Variants in P2RX3 observed in about 807,000 individuals in gnomAD.
P2RX3 encodes P2X purinoceptor 3.
Under a neutral mutation model 51.5 loss-of-function variants are expected in P2RX3, and 41 were observed. That is an observed-to-expected ratio of 0.80 (90% confidence interval 0.62 to 1.03). The LOEUF (loss-of-function observed/expected upper bound fraction) is 1.03, where lower values mean the gene tolerates loss of function less well. P2RX3 is among the 50% of genes least tolerant of loss of function. The probability of loss-of-function intolerance (pLI) is 0.00; values close to 1 mark genes in which losing one functional copy is unlikely to be tolerated. For missense variants in P2RX3, 459 were observed against 522.1 expected, an observed-to-expected ratio of 0.88 and a Z score of 1.18; for synonymous variants, 185 against 191.6, an observed-to-expected ratio of 0.97 and a Z score of 0.29.
chr11:57,347,533 G>A (rs1856462118), intron 4 of P2RX3, 55 bp downstream of exon 4: 1 of 1,530,870 alleles, frequency 6.5e-7, no homozygotes, highest in Non-Finnish European at 8.9e-7. Context: ...GGACCCATGG[G>A]GGAGAGCCCG....
intron 8 of P2RX3, among the ~76,000 whole-genome samples, chr11:57,354,342 C>T (rs964042484): frequency 6.6e-6 from 1 of 152,064 alleles, no homozygotes; most frequent in South Asian, 2.1e-4. Context: ...CTCCGTGGGC[C>T]GCTTTAACTT....
intron 8 of P2RX3, among the ~76,000 whole-genome samples, chr11:57,353,623 C>T (rs1188979925): frequency 7.7e-6 from 1 of 130,214 alleles, no homozygotes; most frequent in Admixed American, 9.0e-5. Context: ...CAATTCATAG[C>T]CCGGCCTTTT....
At chr11:57,350,965 G>A (rs1590629742) in intron 8 of P2RX3, 67 bp downstream of exon 8, 3 of 1,604,584 alleles carry the variant, frequency 1.9e-6, no homozygotes, top group Non-Finnish European at 2.6e-6. Context: ...TGTTTATTGG[G>A]GAGACAAGAT....
At position 57,368,485 on chromosome 11, in the gene P2RX3, C is replaced by G. The variant is rs751211989; in HGVS notation, c.1002+48C>G. On this transcript the variant is annotated intron_variant, in intron 10 of 11. Coordinates refer to ENST00000263314, the MANE Select transcript of P2RX3 (RefSeq NM_002559.5). Reference sequence around the variant, plus strand: ...CTGACGGGCCAGTCAGAGTGGGGCCCGGACTGGTACCAGCAGGCAGGGGAG... The same window carrying G: ...CTGACGGGCCAGTCAGAGTGGGGCCGGGACTGGTACCAGCAGGCAGGGGAG... The G allele has an allele frequency of 5.0e-6, 8 of 1,599,762 alleles. No homozygotes were observed. In the South Asian group the frequency reaches 6.6e-5, roughly 13 times the overall value.
intron 8 of P2RX3, among the ~76,000 whole-genome samples, chr11:57,352,143 A>G (rs1856558964): frequency 6.6e-6 from 1 of 152,250 alleles, no homozygotes; most frequent in Admixed American, 6.5e-5. Context: ...ATTCTCTGAT[A>G]CAATGGCATA....
At position 57,349,804 on chromosome 11, in the gene P2RX3, G is replaced by A. The variant is rs201667208; in HGVS notation, c.611G>A (p.Arg204His). 1 of 1,614,182 alleles carries A rather than the reference G, an allele frequency of 6.2e-7. No individual in the cohort carries two copies. Among genetic ancestry groups the A allele is most frequent in the Non-Finnish European group, 8.5e-7 (1 of 1,180,034 alleles). The change falls in exon 7 of 12, where the codon CGC (arginine) becomes CAC (histidine). Residue 204 changes from arginine (R) to histidine (H), a missense_variant. Arg to His is a conservative substitution (Grantham distance 29, BLOSUM62 0). Transcript: ENST00000263314. Reference sequence around the variant, plus strand: ...ACAGCCAGGGACATGAAGACCTGCCGCTTCCACCCGGACAAGGACCCTTTC... The same window carrying A: ...ACAGCCAGGGACATGAAGACCTGCCACTTCCACCCGGACAAGGACCCTTTC... Reference protein sequence around the residue: ...NLTARDMKTCRFHPDKDPFCP... With the variant: ...NLTARDMKTCHFHPDKDPFCP...
intron 8 of P2RX3, among the ~76,000 whole-genome samples, chr11:57,366,062 G>A (rs1472165671): frequency 6.6e-6 from 1 of 152,084 alleles, no homozygotes; most frequent in Non-Finnish European, 1.5e-5. Flanking sequence ...GAGTTTTCTG[G>A]GCCCTTTCAC....
intron 1 of P2RX3, among the ~76,000 whole-genome samples, chr11:57,339,801 G>T (rs1035611931): frequency 1.3e-5 from 2 of 152,324 alleles, no homozygotes; most frequent in South Asian, 4.1e-4. Context: ...GAAGCTGCAT[G>T]CAAACCTGCT....
chr11:57,348,195 C>T lies in P2RX3; in HGVS notation c.417C>T (p.Asn139=). The T allele has an allele frequency of 6.3e-7, 1 of 1,597,906 alleles. No individual in the cohort carries two copies. The highest frequency in any genetic ancestry group is 8.5e-7 in the Non-Finnish European group (1 of 1,172,428). The change falls in exon 5 of 12, where the codon AAC becomes AAT. Residue 139 remains asparagine, a synonymous_variant. Coordinates refer to ENST00000263314, the MANE Select transcript of P2RX3 (RefSeq NM_002559.5). ...GGGILTGRCV[N]YSSVLRTCEI... is the part of the protein sequence containing the mutation. ...GGATCCTCACTGGCCGCTGCGTGAA[C>T]TACAGCTCTGTGCTCCGGACCTGTG...
intron 8 of P2RX3, among the ~76,000 whole-genome samples, chr11:57,359,582 CT>C (rs2134437874): frequency 6.6e-6 from 1 of 152,324 alleles, no homozygotes; most frequent in African/African-American, 2.4e-5. Flanking sequence ...GGGCTCTGTT[CT>C]TTCCTCTGAT....
At chr11:57,357,666 C>T (rs1856651591) in intron 8 of P2RX3, among the ~76,000 whole-genome samples, 1 of 152,018 alleles carries the variant, frequency 6.6e-6, no homozygotes, top group African/African-American at 2.4e-5. Flanking sequence ...CAACAAGAAG[C>T]GTTTTTTTTA....
chr11:57,361,353 A>G (rs1397575060), intron 8 of P2RX3, among the ~76,000 whole-genome samples: 2 of 152,146 alleles, frequency 1.3e-5, no homozygotes, highest in Admixed American at 6.5e-5. Context: ...TACGTAGGTA[A>G]ACGTGTGCCG....
chr11:57,350,318 G>A (rs942019163), intron 7 of P2RX3: 3 of 19,786 alleles, frequency 1.5e-4, no homozygotes, highest in African/African-American at 4.4e-4. Context: ...TTTTTTTTTT[G>A]AGACAGAGTC....
intron 7 of P2RX3, 104 bp downstream of exon 7, chr11:57,350,002 C>A: frequency 6.6e-7 from 1 of 1,505,522 alleles, no homozygotes; most frequent in South Asian, 1.2e-5. Flanking sequence ...CGCCGCGAGA[C>A]AGCGCCACCT....
At chr11:57,350,129 C>T (rs1332049036) in intron 7 of P2RX3, among the ~76,000 whole-genome samples, 1 of 152,050 alleles carries the variant, frequency 6.6e-6, no homozygotes, top group Non-Finnish European at 1.5e-5. Flanking sequence ...CCTCAGTTTC[C>T]CACTCCCATC....
chr11:57,349,785 A>G lies in P2RX3; in HGVS notation c.592A>G (p.Arg198Gly), dbSNP rs769097490. 3 of 1,614,190 alleles carry G rather than the reference A, an allele frequency of 1.9e-6. No individual in the cohort carries two copies. Among genetic ancestry groups the G allele is most frequent in the Non-Finnish European group, 2.5e-6 (3 of 1,180,026 alleles). The change falls in exon 7 of 12, where the codon AGG (arginine) becomes GGG (glycine). Residue 198 changes from arginine (R) to glycine (G), a missense_variant. Arg to Gly is a moderately radical substitution (Grantham distance 125, BLOSUM62 -2). Transcript: ENST00000263314. Reference protein sequence around the residue: ...KGNLLPNLTARDMKTCRFHPD... With the variant: ...KGNLLPNLTAGDMKTCRFHPD... ...AAACCTCCTTCCCAACCTGACAGCCAGGGACATGAAGACCTGCCGCTTCCA... is the reference window on the plus strand; with the variant it reads ...AAACCTCCTTCCCAACCTGACAGCCGGGGACATGAAGACCTGCCGCTTCCA...
At chr11:57,346,786 T>C (rs958424193) in intron 2 of P2RX3, 107 bp downstream of exon 2, 50 of 1,436,628 alleles carry the variant, frequency 3.5e-5, no homozygotes, top group South Asian at 3.2e-4. Flanking sequence ...CTAGAATCCA[T>C]GATGTCACTG....
intron 8 of P2RX3, among the ~76,000 whole-genome samples, chr11:57,354,114 T>C (rs1856591555): frequency 6.6e-6 from 1 of 152,094 alleles, no homozygotes; most frequent in African/African-American, 2.4e-5. Context: ...ATATCTGATC[T>C]CCGTGGCAAG....
intron 8 of P2RX3, among the ~76,000 whole-genome samples, chr11:57,354,847 T>TGAG (rs1359661491): frequency 6.6e-6 from 1 of 152,060 alleles, no homozygotes; most frequent in African/African-American, 2.4e-5. Context: ...CTGGGTAATC[T>TGAG]GAGGAGAGTT....
Sources: gnomAD v4.1 joint callset for allele counts (sites outside exome capture counted in the v4.1 genomes callset) on GRCh38, gnomAD v4.1.1 for gene constraint, MANE v1.5 for transcripts, NCBI Gene and HGNC (gene_info 2026-07-23, HGNC 2026-07-21) for gene names.